The following PDE5A variants were observed in gnomAD, a reference collection of about 807,000 sequenced individuals.
PDE5A encodes the protein cGMP-specific 3',5'-cyclic phosphodiesterase.
Under a neutral mutation model 110.2 loss-of-function variants are expected in PDE5A, and 67 were observed. The ratio of observed to expected loss-of-function variants is 0.61; its 90% CI spans 0.50 to 0.75. The LOEUF (loss-of-function observed/expected upper bound fraction) is 0.75. Ranked by LOEUF, PDE5A falls within the 30% of genes least tolerant of loss-of-function variation. PDE5A has a pLI of 0.00. For missense variants in PDE5A, 862 were observed against 1,045.1 expected, an observed-to-expected ratio of 0.82 and a Z score of 2.42; for synonymous variants, 328 against 351.2, an observed-to-expected ratio of 0.93 and a Z score of 0.74.
At chr4:119,614,820 C>G (rs1729879941) in intron 1 of PDE5A, among the ~76,000 whole-genome samples, 1 of 152,110 alleles carries the variant, frequency 6.6e-6, no homozygotes, top group Non-Finnish European at 1.5e-5. Flanking sequence ...GTCCTGGGTT[C>G]TAATCTCAGC....
chr4:119,507,576 A>G (rs965245993), intron 16 of PDE5A, 28 bp downstream of exon 16: 2 of 1,345,272 alleles, frequency 1.5e-6, no homozygotes, highest in South Asian at 1.2e-5. Context: ...TCAAATACCT[A>G]TTTCTCAGGT....
chr4:119,615,789 C>T (rs1025215954), intron 1 of PDE5A, among the ~76,000 whole-genome samples: 2 of 152,122 alleles, frequency 1.3e-5, no homozygotes, highest in African/African-American at 2.4e-5. Context: ...AACTGCCCTG[C>T]AAACCTGGAA....
At chr4:119,520,679 CTATT>C (rs974761132) in intron 13 of PDE5A, among the ~76,000 whole-genome samples, 2 of 152,026 alleles carry the variant, frequency 1.3e-5, no homozygotes, top group African/African-American at 4.8e-5. Flanking sequence ...TGCCCAAAGA[CTATT>C]TACGTGCAAC....
chr4:119,628,746 C>G lies in PDE5A; in HGVS notation c.-75G>C. 3.8e-6 allele frequency: 6 copies of G among 1,575,156 alleles called. No homozygotes were observed. The highest frequency in any genetic ancestry group is 5.1e-6 in the Non-Finnish European group (6 of 1,165,574). ...AGCTGGGGTCCGTCCCTCAGAAGAA[C>G]AGGACTCGGCCTCGAGACCCTCCCC... On this transcript the variant is annotated 5_prime_UTR_variant, in exon 1 of 21. Coordinates refer to ENST00000354960, the MANE Select transcript of PDE5A (RefSeq NM_001083.4).
rs201834818 is a variant in PDE5A at position 119,607,306 on chromosome 4, C to G, written c.153-9G>C. On this transcript the variant is annotated splice_polypyrimidine_tract_variant and intron_variant, in intron 1 of 20. Transcript: ENST00000354960. Reference sequence around the variant, plus strand: ...ATGCATTGACCATTTCTCTGCAGAACAGAACGTGCAGACACATTAGATACT... The same window carrying G: ...ATGCATTGACCATTTCTCTGCAGAAGAGAACGTGCAGACACATTAGATACT... 2 of 1,569,482 alleles carry G rather than the reference C, an allele frequency of 1.3e-6. No homozygotes were observed. The highest frequency in any genetic ancestry group is 2.2e-5 in the South Asian group (2 of 89,542).
intron 7 of PDE5A, 108 bp downstream of exon 7, chr4:119,560,188 A>G: frequency 1.5e-6 from 1 of 652,040 alleles, no homozygotes; most frequent in Non-Finnish European, 2.6e-6. Context: ...ACAAGAGACA[A>G]TAAAATAATC....
intron 15 of PDE5A, 83 bp from the exon 16 acceptor site, chr4:119,507,787 T>A: frequency 1.2e-6 from 1 of 804,472 alleles, no homozygotes; most frequent in Non-Finnish European, 2.1e-6. Context: ...TCACATATCT[T>A]AAACACATGC....
At chr4:119,620,181 A>T (rs79578502) in intron 1 of PDE5A, among the ~76,000 whole-genome samples, 3,667 of 152,306 alleles carry the variant, frequency 0.024, 50 homozygotes, top group South Asian at 0.049. Flanking sequence ...GACTATTATT[A>T]AACAAAACGG....
intron 3 of PDE5A, among the ~76,000 whole-genome samples, chr4:119,584,670 C>T (rs1179253658): frequency 1.5e-4 from 23 of 152,150 alleles, no homozygotes; most frequent in Admixed American, 1.4e-3. Flanking sequence ...GGAAATATTT[C>T]CTGGCATTAA....
Position 119,498,524 on chromosome 4 carries a change from A to G in PDE5A, c.*77T>C. On this transcript the variant is annotated 3_prime_UTR_variant, in exon 21 of 21. Coordinates refer to ENST00000354960, the MANE Select transcript of PDE5A (RefSeq NM_001083.4). ...TATATACCAAATACAGACACTATAC[A>G]GACAGTGTGTAAGAAACTAGGCATA... The G allele has an allele frequency of 1.3e-6, 2 of 1,500,500 alleles. No homozygotes were observed. Among genetic ancestry groups the G allele is most frequent in the South Asian group, 2.3e-5 (2 of 86,894 alleles). The allele number at this position is 1,500,500 out of a possible 1,614,324, so 92.9% of individuals were successfully genotyped here.
At position 119,505,817 on chromosome 4, in the gene PDE5A, T is replaced by C. The variant is rs753845574; in HGVS notation, c.2267+38A>G. On this transcript the variant is annotated intron_variant, in intron 17 of 20. Transcript: ENST00000354960. ...AAAAATAGTGAGAAAATTAACTGGG[T>C]AAAAAACTTCAGCTTTAAAGATAGT... 6 of 1,192,224 alleles carry C rather than the reference T, an allele frequency of 5.0e-6. No homozygotes were observed. The Admixed American group carries it at 1.4e-4, about 28-fold the overall frequency. 73.9% of individuals were successfully genotyped at this position (1,192,224 alleles called of 1,614,324 possible).
rs940531505 is a variant in PDE5A at position 119,500,942 on chromosome 4, C to A, written c.2490+228G>T. 4 of 495,680 alleles carry A rather than the reference C, an allele frequency of 8.1e-6. No individual in the cohort carries two copies. The Admixed American group carries it at 1.4e-4, about 18-fold the overall frequency. 30.7% of individuals were successfully genotyped at this position (495,680 alleles called of 1,614,324 possible). A position where few individuals can be genotyped will look rare whatever the true frequency, so the allele number is the denominator to read the frequency against. Reference sequence around the variant, plus strand: ...CTGGCACATAATTCTTCTTAGCATCCCCAAATCAATTTGTTGGAGATTAGC... The same window carrying A: ...CTGGCACATAATTCTTCTTAGCATCACCAAATCAATTTGTTGGAGATTAGC... On this transcript the variant is annotated intron_variant, in intron 20 of 20. Transcript: ENST00000354960.
chr4:119,574,339 C>A (rs931283331), intron 3 of PDE5A, among the ~76,000 whole-genome samples: 1 of 142,700 alleles, frequency 7.0e-6, no homozygotes, highest in Non-Finnish European at 1.5e-5. Flanking sequence ...CCCGCCACCA[C>A]GCCCCGGCTA....
At chr4:119,534,314 G>A in intron 11 of PDE5A, among the ~76,000 whole-genome samples, 1 of 114,232 alleles carries the variant, frequency 8.8e-6, no homozygotes, top group Non-Finnish European at 2.0e-5. Context: ...GTGAGTAGTG[G>A]GAGTGAGAAT....
intron 1 of PDE5A, among the ~76,000 whole-genome samples, chr4:119,613,868 G>T (rs1053008584): frequency 6.6e-6 from 1 of 151,942 alleles, no homozygotes; most frequent in Non-Finnish European, 1.5e-5. Flanking sequence ...CTACTATTTG[G>T]TGGCAACACC....
intron 3 of PDE5A, among the ~76,000 whole-genome samples, chr4:119,589,322 T>C (rs1728879465): frequency 6.6e-6 from 1 of 151,388 alleles, no homozygotes; most frequent in Admixed American, 6.6e-5. Flanking sequence ...ATATTTAGGG[T>C]TGGTTATATC....
chr4:119,554,766 A>T (rs1264818299), intron 7 of PDE5A, among the ~76,000 whole-genome samples: 1 of 152,228 alleles, frequency 6.6e-6, no homozygotes, highest in Admixed American at 6.5e-5. Flanking sequence ...AATAACATAA[A>T]TTTAAACAAT....
intron 8 of PDE5A, among the ~76,000 whole-genome samples, chr4:119,553,302 G>C (rs747807815): frequency 1.4e-4 from 21 of 152,052 alleles, no homozygotes; most frequent in Non-Finnish European, 2.9e-4. Flanking sequence ...AAGCCACACA[G>C]AAACTAATTT....
rs1160004285 is a variant in PDE5A, at chr4:119,565,421, G to A, written c.904-11C>T. ...ATAAGCAGCAAAGTCCTAAAAAACA[G>A]ATAATAGACAAATAAAAACGGTACA... On this transcript the variant is annotated splice_polypyrimidine_tract_variant and intron_variant, in intron 4 of 20. Transcript: ENST00000354960. 6.3e-7 allele frequency: 1 copy of A among 1,576,174 alleles called. No homozygotes were observed. The highest frequency in any genetic ancestry group is 8.7e-7 in the Non-Finnish European group (1 of 1,146,706).
Sources: gnomAD v4.1 joint callset for allele counts (sites outside exome capture counted in the v4.1 genomes callset) on GRCh38, gnomAD v4.1.1 for gene constraint, MANE v1.5 for transcripts, NCBI Gene and HGNC (gene_info 2026-07-23, HGNC 2026-07-21) for gene names.